The following ANKIB1 variants were observed in gnomAD, a reference collection of about 807,000 sequenced individuals.
The protein encoded by ANKIB1 is ankyrin repeat and IBR domain containing 1.
In ANKIB1, 43 loss-of-function variants were observed where a neutral mutation model predicts 122.1. The ratio of observed to expected loss-of-function variants is 0.35; its 90% CI spans 0.28 to 0.45. ANKIB1 has a LOEUF of 0.45. Among genes scored for constraint, ANKIB1 ranks in the 20% least tolerant of loss-of-function variants. The pLI, the probability that ANKIB1 is intolerant of heterozygous loss-of-function variation, is 1.00. For synonymous variants in ANKIB1, 390 were observed against 442.0 expected (o/e 0.88, Z 1.48); for missense variants, 992 against 1,329.5 (o/e 0.75, Z 3.95).
chr7:92,251,669 T>G (rs142474134), intron 1 of ANKIB1, among the ~76,000 whole-genome samples: 1 of 152,284 alleles, frequency 6.6e-6, no homozygotes, highest in African/African-American at 2.4e-5. Context: ...ATTACAGTCT[T>G]TTTCTGAACC....
At chr7:92,314,786 A>G (rs1802759042) in intron 3 of ANKIB1, among the ~76,000 whole-genome samples, 1 of 152,174 alleles carries the variant, frequency 6.6e-6, no homozygotes, top group Non-Finnish European at 1.5e-5. Context: ...ATAAAATCTA[A>G]ATTTGTGAGA....
intron 1 of ANKIB1, among the ~76,000 whole-genome samples, chr7:92,282,943 C>T (rs967852422): frequency 2.6e-5 from 4 of 152,144 alleles, no homozygotes; most frequent in Admixed American, 6.5e-5. Flanking sequence ...TTGTAGACCT[C>T]ATGCTAGCTA....
intron 1 of ANKIB1, among the ~76,000 whole-genome samples, chr7:92,258,042 A>G (rs1022694227): frequency 1.3e-5 from 2 of 152,216 alleles, no homozygotes; most frequent in African/African-American, 4.8e-5. Context: ...ATATCTACAG[A>G]ATTACTTAAA....
chr7:92,324,907 T>A (rs1802992024), intron 4 of ANKIB1, among the ~76,000 whole-genome samples: 2 of 152,236 alleles, frequency 1.3e-5, no homozygotes, highest in Non-Finnish European at 2.9e-5. Flanking sequence ...GATAAGTGAC[T>A]ACACTCTAGG....
chr7:92,380,134 T>G (rs892505080), intron 11 of ANKIB1, among the ~76,000 whole-genome samples: 3 of 152,176 alleles, frequency 2.0e-5, no homozygotes, highest in Admixed American at 6.5e-5. Context: ...CCACAGAGCC[T>G]TGCTCACTGC....
chr7:92,309,940 A>ATATATATATATATAT (rs57536267), intron 3 of ANKIB1, among the ~76,000 whole-genome samples: 5 of 105,298 alleles, frequency 4.7e-5, no homozygotes, highest in African/African-American at 1.5e-4. Flanking sequence ...AAAAAAAAAA[A>ATATATATATATATAT]AAATATATAT....
At chr7:92,393,791 T>C (rs1804833500) in intron 17 of ANKIB1, among the ~76,000 whole-genome samples, 1 of 152,178 alleles carries the variant, frequency 6.6e-6, no homozygotes, top group African/African-American at 2.4e-5. Context: ...TAAACCTTAT[T>C]GCAGATATAA....
In ANKIB1 at chr7:92,270,396, T is replaced by G. The variant is rs374908059; in HGVS notation, c.-91+23877T>G. 2.6e-5 allele frequency among the ~76,000 whole-genome samples: 4 copies of G among 152,270 alleles called. 1 individual carries two copies. ...TTTTGAAGTACTCTTAACTGAATAA[T>G]GAGCCAAAAAGACACTTGAGGAACT... On this transcript the variant is annotated intron_variant, in intron 1 of 19. Transcript: ENST00000265742.
At chr7:92,264,204 C>T (rs1375027028) in intron 1 of ANKIB1, among the ~76,000 whole-genome samples, 1 of 139,316 alleles carries the variant, frequency 7.2e-6, no homozygotes, top group Non-Finnish European at 1.5e-5. Flanking sequence ...TTTCTGGAAG[C>T]GAAAAGGAGG....
rs1801295172 is a variant in ANKIB1 at position 92,250,126 on chromosome 7, G to A, written c.-91+3607G>A. On this transcript the variant is annotated intron_variant, in intron 1 of 19. Coordinates refer to ENST00000265742, the MANE Select transcript of ANKIB1 (RefSeq NM_019004.2). ...GCAGATAATTTGGCTGGGTGCAGTGGCTCACACCTGTAATCCCAGAACTTT... is the reference window on the plus strand; with the variant it reads ...GCAGATAATTTGGCTGGGTGCAGTGACTCACACCTGTAATCCCAGAACTTT... Among the ~76,000 whole-genome samples the A allele has an allele frequency of 2.0e-5, 3 of 152,174 alleles. No homozygotes were observed. In the South Asian group the frequency reaches 6.2e-4, roughly 31 times the overall value.
chr7:92,259,450 C>G (rs544049987), intron 1 of ANKIB1, among the ~76,000 whole-genome samples: 74 of 152,094 alleles, frequency 4.9e-4, no homozygotes, highest in African/African-American at 1.7e-3. Flanking sequence ...AATTTGATAT[C>G]TGTATATTAA....
At chr7:92,391,107 A>G in intron 15 of ANKIB1, 59 bp from the exon 16 acceptor site, 4 of 1,419,278 alleles carry the variant, frequency 2.8e-6, no homozygotes, top group Non-Finnish European at 3.8e-6. Context: ...TAGACCCTGG[A>G]TTTGCTATTG....
intron 2 of ANKIB1, among the ~76,000 whole-genome samples, chr7:92,297,666 G>T (rs534547419): frequency 5.5e-5 from 8 of 146,216 alleles, no homozygotes; most frequent in Admixed American, 2.0e-4. Context: ...CATCTAAATG[G>T]TTTTTTTTTT....
rs751300697 is a variant in ANKIB1 at position 92,295,105 on chromosome 7, C to G, written c.127C>G (p.Pro43Ala). Residue 43 changes from proline to alanine, a missense_variant, in exon 2 of 20, where the codon CCC becomes GCC. By Grantham distance (27) the Pro-to-Ala change is conservative. Transcript: ENST00000265742. ...SLDPNTSYGEPYQHNTPLHYA... is the reference protein window; with the variant it reads ...SLDPNTSYGEAYQHNTPLHYA... The stretch of plus-strand genomic sequence containing the variant: ...TGATCCAAATACATCTTATGGGGAG[C>G]CCTACCAGCACAATACTCCATTACA... The G allele has an allele frequency of 2.5e-6, 4 of 1,579,192 alleles. No individual in the cohort carries two copies. The African/African-American group carries it at 5.4e-5, about 21-fold the overall frequency.
At chr7:92,282,311 G>A (rs1437104183) in intron 1 of ANKIB1, among the ~76,000 whole-genome samples, 2 of 152,020 alleles carry the variant, frequency 1.3e-5, no homozygotes, top group Non-Finnish European at 2.9e-5. Context: ...GTGCCACCAT[G>A]CTTGGCTATT....
chr7:92,250,511 C>T (rs959069317), intron 1 of ANKIB1, among the ~76,000 whole-genome samples: 1 of 152,168 alleles, frequency 6.6e-6, no homozygotes, highest in African/African-American at 2.4e-5. Context: ...TGTAACAGAT[C>T]TTCAGGCATG....
At chr7:92,286,346 T>C (rs919392798) in intron 1 of ANKIB1, among the ~76,000 whole-genome samples, 3 of 152,144 alleles carry the variant, frequency 2.0e-5, no homozygotes, top group African/African-American at 7.2e-5. Context: ...AGTTACGAGA[T>C]TGCATAGAGG....
chr7:92,353,691 C>G (rs1463428758), intron 9 of ANKIB1, among the ~76,000 whole-genome samples: 1 of 152,132 alleles, frequency 6.6e-6, no homozygotes, highest in Non-Finnish European at 1.5e-5. Context: ...AACTGCAAAC[C>G]CCTGACTCTA....
intron 11 of ANKIB1, among the ~76,000 whole-genome samples, chr7:92,383,432 C>G (rs1320465756): frequency 1.3e-5 from 2 of 151,870 alleles, no homozygotes; most frequent in East Asian, 3.9e-4. Context: ...GGCAGAGGCA[C>G]AACAAAAAAA....
Sources: allele counts gnomAD v4.1 joint callset (sites outside exome capture counted in the v4.1 genomes callset), GRCh38; gene constraint gnomAD v4.1.1; transcripts MANE v1.5; gene names NCBI Gene and HGNC (gene_info 2026-07-23, HGNC 2026-07-21).